The following NEK10 variants were observed in gnomAD, a reference collection of about 807,000 sequenced individuals.
NEK10 encodes the protein NIMA related kinase 10, also known as serine/threonine-protein kinase Nek10.
In NEK10, 122 loss-of-function variants were observed where a neutral mutation model predicts 159.8. That is an observed-to-expected ratio of 0.76 (90% CI 0.66 to 0.89). NEK10 has a LOEUF of 0.89. NEK10 is among the 40% of genes least tolerant of loss of function. The pLI, the probability that NEK10 is intolerant of heterozygous loss-of-function variation, is 0.00. For missense variants in NEK10, 1,342 were observed against 1,323.1 expected (o/e 1.01, Z -0.22); for synonymous variants, 466 against 457.1 (o/e 1.02, Z -0.25).
At chr3:27,329,540 T>A (rs1446742983) in intron 5 of NEK10, among the ~76,000 whole-genome samples, 2 of 152,158 alleles carry the variant, frequency 1.3e-5, no homozygotes, top group Non-Finnish European at 2.9e-5. Context: ...TTTGGCCAGG[T>A]TTAAAACTGG....
intron 31 of NEK10, among the ~76,000 whole-genome samples, chr3:27,138,857 G>A (rs1943493090): frequency 6.6e-6 from 1 of 152,186 alleles, no homozygotes; most frequent in Non-Finnish European, 1.5e-5. Context: ...AGGTGCCTTG[G>A]AAGCCCAAAT....
intron 23 of NEK10, among the ~76,000 whole-genome samples, chr3:27,208,553 G>T (rs1366300517): frequency 6.6e-6 from 1 of 152,164 alleles, no homozygotes; most frequent in Non-Finnish European, 1.5e-5. Flanking sequence ...GAAATGAGAA[G>T]ATGAAAGCCA....
intron 22 of NEK10, among the ~76,000 whole-genome samples, chr3:27,263,261 GTCAGGGACCCACTTGAGGA>G (rs1470540595): frequency 6.6e-6 from 1 of 152,222 alleles, no homozygotes; most frequent in Admixed American, 6.5e-5. Flanking sequence ...CTAATCGGGG[GTCAGGGACCCACTTGAGGA>G]GACAGTCTGT....
At chr3:27,298,268 C>T (rs1332075436) in intron 13 of NEK10, among the ~76,000 whole-genome samples, 1 of 152,092 alleles carries the variant, frequency 6.6e-6, no homozygotes, top group Non-Finnish European at 1.5e-5. Context: ...GTCTTTCCTG[C>T]ACTGTTCTTG....
At chr3:27,273,772 CTA>C (rs1036972121) in intron 22 of NEK10, among the ~76,000 whole-genome samples, 7 of 152,190 alleles carry the variant, frequency 4.6e-5, no homozygotes, top group Admixed American at 6.5e-5. Flanking sequence ...ATTTACCACT[CTA>C]CTCTTTCCTG....
chr3:27,136,173 C>T (rs981670330), intron 31 of NEK10, among the ~76,000 whole-genome samples: 14 of 135,268 alleles, frequency 1.0e-4, no homozygotes, highest in Non-Finnish European at 1.7e-4. Context: ...AGTGCAGTGG[C>T]GCCATCTCAT....
intron 28 of NEK10, among the ~76,000 whole-genome samples, chr3:27,173,949 T>A (rs1214444987): frequency 1.3e-5 from 2 of 152,310 alleles, no homozygotes; most frequent in Non-Finnish European, 1.5e-5. Context: ...ATTAACATTA[T>A]GGACGGAATT....
At chr3:27,153,335 A>AT (rs1188645590) in intron 30 of NEK10, among the ~76,000 whole-genome samples, 7 of 151,896 alleles carry the variant, frequency 4.6e-5, no homozygotes, top group Admixed American at 4.6e-4. Flanking sequence ...AAAAAAAAAA[A>AT]AGAAATGAGA....
chr3:27,192,056 A>T lies in NEK10; in HGVS notation c.2478T>A (p.Cys826Ter). The stretch of plus-strand genomic sequence containing the variant: ...GAGATAGAACAGCCAGCTCATGGTG[A>T]CATGTGACGGTGTTCCGGTTGGCTT... Reference protein sequence around the residue: ...FMEANRNTVTCHHELAVLSHE... With the variant: ...FMEANRNTVT The change falls in exon 26 of 36, where the codon TGT becomes TGA. Residue 826 changes from cysteine (C) to a stop codon, truncating the protein, a stop_gained. Transcript: ENST00000691995. LOFTEE classifies it high-confidence loss of function. 6.2e-7 allele frequency: 1 copy of T among 1,614,222 alleles called. No homozygotes were observed. Among genetic ancestry groups the T allele is most frequent in the African/African-American group, 1.3e-5 (1 of 75,058 alleles).
intron 29 of NEK10, among the ~76,000 whole-genome samples, chr3:27,166,326 C>A (rs1946469908): frequency 1.3e-5 from 2 of 152,110 alleles, no homozygotes; most frequent in Admixed American, 6.5e-5. Flanking sequence ...AGCAATAAAC[C>A]AGGAAAGTAT....
intron 32 of NEK10, among the ~76,000 whole-genome samples, chr3:27,124,414 A>G (rs1941699073): frequency 6.6e-6 from 1 of 152,188 alleles, no homozygotes; most frequent in African/African-American, 2.4e-5. Flanking sequence ...ACTAATTGAC[A>G]TGTATTGAAT....
At chr3:27,259,515 C>G (rs1232155268) in intron 22 of NEK10, among the ~76,000 whole-genome samples, 1 of 152,098 alleles carries the variant, frequency 6.6e-6, no homozygotes, top group African/African-American at 2.4e-5. Flanking sequence ...GTTTGTCAAA[C>G]TTCAGATGGT....
At chr3:27,186,501 A>T (rs1370927172) in intron 26 of NEK10, among the ~76,000 whole-genome samples, 1 of 152,190 alleles carries the variant, frequency 6.6e-6, no homozygotes, top group African/African-American at 2.4e-5. Flanking sequence ...TCCTTCTCAC[A>T]TCCACTCCAG....
At chr3:27,237,127 A>C (rs542448207) in intron 23 of NEK10, among the ~76,000 whole-genome samples, 1 of 152,330 alleles carries the variant, frequency 6.6e-6, no homozygotes, top group South Asian at 2.1e-4. Context: ...GCTCTCTGCA[A>C]GAAGAAAAAT....
chr3:27,129,184 G>C (rs1254442447), intron 32 of NEK10, among the ~76,000 whole-genome samples: 1 of 152,040 alleles, frequency 6.6e-6, no homozygotes, highest in Non-Finnish European at 1.5e-5. Context: ...GACTAACTTA[G>C]GTGAGGTATA....
chr3:27,169,462 G>A (rs560708766), intron 29 of NEK10, among the ~76,000 whole-genome samples: 83 of 152,036 alleles, frequency 5.5e-4, no homozygotes, highest in Non-Finnish European at 1.1e-3. Context: ...GGGTTTTATC[G>A]AATATCTTTC....
intron 22 of NEK10, among the ~76,000 whole-genome samples, chr3:27,284,218 T>G (rs2042407893): frequency 6.6e-6 from 1 of 152,044 alleles, no homozygotes; most frequent in Non-Finnish European, 1.5e-5. Flanking sequence ...AAACCCTGTC[T>G]CTACTAAAAA....
intron 25 of NEK10, chr3:27,194,375 A>C (rs1949390529): frequency 6.6e-6 from 1 of 152,202 alleles, no homozygotes; most frequent in African/African-American, 2.4e-5. Context: ...TCGGCCTCCC[A>C]AAGTGCTGGG....
chr3:27,306,654 C>T (rs559890454), intron 11 of NEK10, among the ~76,000 whole-genome samples: 1 of 152,116 alleles, frequency 6.6e-6, no homozygotes, highest in Non-Finnish European at 1.5e-5. Flanking sequence ...ACCATCATGA[C>T]CTGGATAAAG....
Sources: allele counts gnomAD v4.1 joint callset (sites outside exome capture counted in the v4.1 genomes callset), GRCh38; gene constraint gnomAD v4.1.1; transcripts MANE v1.5; gene names NCBI Gene and HGNC (gene_info 2026-07-23, HGNC 2026-07-21).